FBXL4: variants seen among roughly 807,000 people sequenced by gnomAD.
The protein encoded by FBXL4 is F-box and leucine rich repeat protein 4.
Under a neutral mutation model 58.9 loss-of-function variants are expected in FBXL4, and 40 were observed. That is an observed-to-expected ratio of 0.68 (90% CI 0.53 to 0.88). FBXL4 has a LOEUF of 0.88. FBXL4 is among the 40% of genes least tolerant of loss of function. FBXL4 has a pLI of 0.00. For missense variants in FBXL4, 676 were observed against 734.4 expected, an observed-to-expected ratio of 0.92 and a Z score of 0.92; for synonymous variants, 263 against 265.5, an observed-to-expected ratio of 0.99 and a Z score of 0.09.
chr6:98,905,456 C>T lies in FBXL4; in HGVS notation c.1073G>A (p.Arg358Lys), dbSNP rs372544390. Residue 358 changes from arginine (R) to lysine (K), a missense_variant, in exon 6 of 10, where the codon AGA becomes AAA. Physicochemically the swap from Arg to Lys is conservative, Grantham distance 26 (BLOSUM62 2). Transcript: ENST00000369244. ...AAATCCTGCAACAGAGATGAAGCCT[C>T]TATTGCCAGTCCAAGATAAATTAAG... ...QWLNLSWTGN[R>K]GFISVAGFSR... is the part of the protein sequence containing the mutation. The T allele has an allele frequency of 2.4e-4, 394 of 1,613,952 alleles. No homozygotes were observed. The highest frequency in any genetic ancestry group is 3.1e-4 in the Non-Finnish European group (370 of 1,179,960).
intron 6 of FBXL4, among the ~76,000 whole-genome samples, chr6:98,900,592 A>G (rs568773776): frequency 6.6e-6 from 1 of 151,780 alleles, no homozygotes; most frequent in African/African-American, 2.4e-5. Context: ...GTATGTAACA[A>G]CATTCACCAC....
At chr6:98,936,079 C>T (rs1037445602) in intron 1 of FBXL4, among the ~76,000 whole-genome samples, 13 of 151,916 alleles carry the variant, frequency 8.6e-5, no homozygotes, top group Non-Finnish European at 1.8e-4. Context: ...GGATTTACAC[C>T]CTGCCAAACA....
At chr6:98,913,852 C>T (rs964272309) in intron 5 of FBXL4, among the ~76,000 whole-genome samples, 28 of 151,946 alleles carry the variant, frequency 1.8e-4, no homozygotes, top group African/African-American at 6.8e-4. Context: ...ATAAAAAAAC[C>T]CTTCAAAAAA....
chr6:98,927,259 T>C (rs140235985), intron 3 of FBXL4, among the ~76,000 whole-genome samples, 199 bp from the exon 4 acceptor site: 1 of 152,262 alleles, frequency 6.6e-6, no homozygotes, highest in East Asian at 1.9e-4. Context: ...TTGTTATGCA[T>C]ACAATATGGG....
chr6:98,915,232 T>C (rs1358056862), intron 5 of FBXL4, among the ~76,000 whole-genome samples: 1 of 151,742 alleles, frequency 6.6e-6, no homozygotes, highest in Non-Finnish European at 1.5e-5. Flanking sequence ...ATCGTGAAAA[T>C]GGCCATACTG....
chr6:98,938,428 C>T (rs1341751778), intron 1 of FBXL4, among the ~76,000 whole-genome samples: 2 of 152,134 alleles, frequency 1.3e-5, no homozygotes, highest in African/African-American at 4.8e-5. Flanking sequence ...TGGCCAGGGA[C>T]ATTGTCTGAT....
chr6:98,888,963 G>A (rs1022278255), intron 7 of FBXL4, among the ~76,000 whole-genome samples: 2 of 152,218 alleles, frequency 1.3e-5, no homozygotes, highest in East Asian at 1.9e-4. Context: ...TCAACAATTC[G>A]CCACACATAA....
rs1449179489 is a variant in FBXL4, at chr6:98,874,386, A to C, written c.1758T>G (p.Asp586Glu). 1 of 1,612,972 alleles carries C rather than the reference A, an allele frequency of 6.2e-7. No individual in the cohort carries two copies. Among genetic ancestry groups the C allele is most frequent in the African/African-American group, 1.3e-5 (1 of 74,836 alleles). The change falls in exon 10 of 10, where the codon GAT becomes GAG. Residue 586 changes from aspartate (D) to glutamate (E), a missense_variant. Transcript: ENST00000369244. ...AGAAGGACACATCAAGTAAAGAAAG[A>C]TCTTTACAAGATTCCAGGAGTTTTC... ...SLRKLLESCKDLSLLDVSFCS... is the reference protein window; with the variant it reads ...SLRKLLESCKELSLLDVSFCS...
intron 6 of FBXL4, among the ~76,000 whole-genome samples, chr6:98,905,211 CT>C (rs1562230361): frequency 6.6e-6 from 1 of 151,996 alleles, no homozygotes; most frequent in Non-Finnish European, 1.5e-5. Context: ...TATAGTTTCC[CT>C]TCATATTCAT....
chr6:98,936,688 T>G (rs1773231533), intron 1 of FBXL4, among the ~76,000 whole-genome samples: 1 of 152,198 alleles, frequency 6.6e-6, no homozygotes, highest in Non-Finnish European at 1.5e-5. Context: ...ATATAACATA[T>G]AAAACATATA....
At chr6:98,883,145 A>C (rs892954007) in intron 7 of FBXL4, among the ~76,000 whole-genome samples, 8 of 152,054 alleles carry the variant, frequency 5.3e-5, no homozygotes, top group Admixed American at 3.3e-4. Flanking sequence ...ATGAGTACAG[A>C]ATGGTATAAT....
At chr6:98,917,816 A>G in intron 4 of FBXL4, 97 bp from the exon 5 acceptor site, 2 of 819,246 alleles carry the variant, frequency 2.4e-6, no homozygotes, top group Non-Finnish European at 3.7e-6. Context: ...ACAGTGTGAA[A>G]CAAAGTCATC....
intron 7 of FBXL4, among the ~76,000 whole-genome samples, chr6:98,887,544 C>G (rs1253747233): frequency 6.6e-6 from 1 of 152,058 alleles, no homozygotes; most frequent in Non-Finnish European, 1.5e-5. Context: ...GAATTCACAG[C>G]AAATATTTTA....
In FBXL4 at chr6:98,874,423, G is replaced by T. The variant is rs779731686; in HGVS notation, c.1721C>A (p.Pro574Gln). ...LDILGTRMVS[P>Q]ASLRKLLESC... ...TTCCAGGAGTTTTCTTAAGGATGCC[G>T]GACTTACCATTCTTGTTCCTATTTA... The change falls in exon 10 of 10, where the codon CCG becomes CAG. Residue 574 changes from proline to glutamine, a missense_variant. Pro to Gln is a moderately conservative substitution (Grantham distance 76, BLOSUM62 -1). Coordinates refer to ENST00000369244, the MANE Select transcript of FBXL4 (RefSeq NM_001278716.2). 29 of 1,607,186 alleles carry T rather than the reference G, an allele frequency of 1.8e-5. No individual in the cohort carries two copies. Among genetic ancestry groups the T allele is most frequent in the Non-Finnish European group, 2.4e-5 (28 of 1,178,350 alleles).
chr6:98,943,764 G>A (rs1187736837), intron 1 of FBXL4, among the ~76,000 whole-genome samples: 1 of 151,870 alleles, frequency 6.6e-6, no homozygotes, highest in Non-Finnish European at 1.5e-5. Flanking sequence ...GACCTATCAG[G>A]TACACACAAA....
At chr6:98,910,254 C>T (rs1387613227) in intron 5 of FBXL4, among the ~76,000 whole-genome samples, 4 of 152,176 alleles carry the variant, frequency 2.6e-5, no homozygotes, top group African/African-American at 9.7e-5. Context: ...CCCTAGAATG[C>T]TACTAGCATT....
intron 2 of FBXL4, among the ~76,000 whole-genome samples, chr6:98,928,623 C>T (rs1008606740): frequency 6.6e-6 from 1 of 152,312 alleles, no homozygotes; most frequent in Middle Eastern, 3.4e-3. Context: ...AGCCACCACG[C>T]CCTGCCCCAA....
At chr6:98,889,480 G>C (rs940501093) in intron 7 of FBXL4, among the ~76,000 whole-genome samples, 6 of 151,998 alleles carry the variant, frequency 3.9e-5, no homozygotes, top group Admixed American at 3.3e-4. Context: ...TCAGGAGTTT[G>C]AGACCAGCCT....
At chr6:98,910,081 C>G (rs1311795842) in intron 5 of FBXL4, among the ~76,000 whole-genome samples, 1 of 152,160 alleles carries the variant, frequency 6.6e-6, no homozygotes, top group Non-Finnish European at 1.5e-5. Context: ...AAAGGGATAT[C>G]TAAGTTGGTT....
Sources: allele counts gnomAD v4.1 joint callset (sites outside exome capture counted in the v4.1 genomes callset), GRCh38; gene constraint gnomAD v4.1.1; transcripts MANE v1.5; gene names NCBI Gene and HGNC (gene_info 2026-07-23, HGNC 2026-07-21).